RPH3AL: variants seen among roughly 807,000 people sequenced by gnomAD.
RPH3AL encodes the protein rab effector Noc2.
In RPH3AL, 38 loss-of-function variants were observed where a neutral mutation model predicts 43.1. The observed-to-expected ratio is 0.88, with a 90% CI of 0.68 to 1.15. The LOEUF is 1.15. Ranked by LOEUF, RPH3AL falls within the 50% of genes most tolerant of loss-of-function variation. The pLI is 0.00. For missense variants in RPH3AL, 462 were observed against 423.2 expected, an observed-to-expected ratio of 1.09 and a Z score of -0.81; for synonymous variants, 189 against 176.3, an observed-to-expected ratio of 1.07 and a Z score of -0.57.
intron 8 of RPH3AL, among the ~76,000 whole-genome samples, chr17:219,285 A>AC (rs2040891708): frequency 1.7e-5 from 2 of 120,886 alleles, no homozygotes; most frequent in African/African-American, 6.4e-5. Flanking sequence ...ATCAACCTCC[A>AC]CCCCCTGGAT....
chr17:331,501 G>C, intron 2 of RPH3AL: 1 of 1,177,428 alleles, frequency 8.5e-7, no homozygotes, highest in Non-Finnish European at 1.1e-6. Flanking sequence ...CCTGGCCGTG[G>C]CTGGCACCTC....
At chr17:227,702 C>G (rs997106925) in intron 7 of RPH3AL, among the ~76,000 whole-genome samples, 6 of 152,152 alleles carry the variant, frequency 3.9e-5, no homozygotes, top group Admixed American at 1.3e-4. Context: ...GCATTGCCGC[C>G]CGGCACAAGG....
intron 5 of RPH3AL, among the ~76,000 whole-genome samples, chr17:292,246 T>C (rs1305727703): frequency 6.6e-6 from 1 of 152,200 alleles, no homozygotes; most frequent in Non-Finnish European, 1.5e-5. Context: ...CCGCCAGGCT[T>C]GGAGAAGCAT....
rs537963730 is a variant in RPH3AL at position 264,698 on chromosome 17, G to A, written c.438+17070C>T. On this transcript the variant is annotated intron_variant, in intron 6 of 9. Transcript: ENST00000331302. The surrounding 1 kb of genome is among the most constrained non-coding windows in gnomAD (Gnocchi z 4.8). The stretch of plus-strand genomic sequence containing the variant: ...GAGGTCAGCATTTGCTCTTCTAAGC[G>A]TGGAGGATGACCCTTCCACCTGTGA... Among the ~76,000 whole-genome samples the A allele has an allele frequency of 2.6e-5, 4 of 152,188 alleles. No homozygotes were observed. The highest frequency in any genetic ancestry group is 3.8e-4 in the East Asian group (2 of 5,202).
intron 1 of RPH3AL, among the ~76,000 whole-genome samples, chr17:340,445 C>G (rs1255382481): frequency 0.079 from 1,794 of 22,776 alleles, 588 homozygotes; most frequent in Admixed American, 0.11. Flanking sequence ...CACTGCCCCC[C>G]ACCCAGGCCT....
At chr17:332,934 G>A in intron 2 of RPH3AL, 1 of 1,057,780 alleles carries the variant, frequency 9.5e-7, no homozygotes, top group Non-Finnish European at 1.3e-6. Flanking sequence ...GGACCCGAGG[G>A]GTACAGGGAA....
chr17:310,847 G>T (rs972031625), intron 5 of RPH3AL, among the ~76,000 whole-genome samples: 2 of 152,130 alleles, frequency 1.3e-5, no homozygotes, highest in Non-Finnish European at 2.9e-5. Flanking sequence ...CAAGGGCTTC[G>T]CAGGGGCTAT....
In RPH3AL at chr17:333,010, A is replaced by C. The variant is rs1386152267; in HGVS notation, c.-37+749T>G. On this transcript the variant is annotated intron_variant, in intron 2 of 9. Transcript: ENST00000331302. The surrounding 1 kb of genome is among the most constrained non-coding windows in gnomAD (Gnocchi z 4.5). Reference sequence around the variant, plus strand: ...TAGGGGACAGAGGCTCATCAGCCCCAGGCAACTTCCTGAGACAGATCGGTA... The same window carrying C: ...TAGGGGACAGAGGCTCATCAGCCCCCGGCAACTTCCTGAGACAGATCGGTA... 1.6e-6 allele frequency: 2 copies of C among 1,286,984 alleles called. No individual in the cohort carries two copies. Among genetic ancestry groups the C allele is most frequent in the South Asian group, 2.5e-5 (2 of 80,978 alleles). 79.7% of individuals were successfully genotyped at this position (1,286,984 alleles called of 1,614,324 possible).
At chr17:258,652 A>G (rs782089250) in intron 6 of RPH3AL, among the ~76,000 whole-genome samples, 1 of 151,752 alleles carries the variant, frequency 6.6e-6, no homozygotes, top group Non-Finnish European at 1.5e-5. Flanking sequence ...ACTCCACTCA[A>G]TTCCTGCTCA....
chr17:277,433 A>T (rs995662588), intron 6 of RPH3AL, among the ~76,000 whole-genome samples: 3 of 152,258 alleles, frequency 2.0e-5, no homozygotes, highest in African/African-American at 7.2e-5. Flanking sequence ...TAAAATGTAG[A>T]GAGTAGATGT....
At chr17:301,690 C>T (rs1190459513) in intron 5 of RPH3AL, among the ~76,000 whole-genome samples, 1 of 152,136 alleles carries the variant, frequency 6.6e-6, no homozygotes, top group African/African-American at 2.4e-5. Context: ...CCTCCTACCT[C>T]GGCCTCCCAA....
At chr17:350,151 A>G (rs1395934882) in intron 1 of RPH3AL, among the ~76,000 whole-genome samples, 3 of 152,218 alleles carry the variant, frequency 2.0e-5, no homozygotes, top group Admixed American at 6.5e-5. Context: ...TAAGTAATGC[A>G]TTCCTCAACA....
At chr17:334,863 C>T (rs1369672961) in intron 1 of RPH3AL, among the ~76,000 whole-genome samples, 1 of 123,620 alleles carries the variant, frequency 8.1e-6, no homozygotes. Flanking sequence ...AGGGCCAGCC[C>T]ATCCACTGCG....
At chr17:219,805 A>T in intron 7 of RPH3AL, 69 bp from the exon 8 acceptor site, 2 of 1,196,116 alleles carry the variant, frequency 1.7e-6, no homozygotes, top group Non-Finnish European at 2.5e-6. Flanking sequence ...GGACGGAGGG[A>T]CGAGGGCAGG....
intron 5 of RPH3AL, among the ~76,000 whole-genome samples, chr17:296,666 G>A (rs1449218199): frequency 6.6e-6 from 1 of 152,234 alleles, no homozygotes; most frequent in Admixed American, 6.5e-5. Context: ...AGGGGCTGTG[G>A]GGGCAGTCAG....
At chr17:285,083 C>A (rs1356383289) in intron 5 of RPH3AL, among the ~76,000 whole-genome samples, 1 of 152,182 alleles carries the variant, frequency 6.6e-6, no homozygotes, top group Non-Finnish European at 1.5e-5. Context: ...AACATTCAGT[C>A]CACAGCAGCG....
At chr17:243,282 A>AC (rs74216841) in intron 7 of RPH3AL, among the ~76,000 whole-genome samples, 1 of 138,380 alleles carries the variant, frequency 7.2e-6, no homozygotes, top group African/African-American at 2.8e-5. Flanking sequence ...TCTATTGATT[A>AC]CCTTCCTCTA....
At chr17:291,345 G>T (rs1305534637) in intron 5 of RPH3AL, among the ~76,000 whole-genome samples, 1 of 152,050 alleles carries the variant, frequency 6.6e-6, no homozygotes, top group Non-Finnish European at 1.5e-5. Flanking sequence ...TTCAAGACCA[G>T]CCTGGGCAAC....
chr17:236,314 G>C (rs2041393627), intron 7 of RPH3AL, among the ~76,000 whole-genome samples: 1 of 152,206 alleles, frequency 6.6e-6, no homozygotes, highest in African/African-American at 2.4e-5. Context: ...TATTGATCGA[G>C]GAAACCTAAA....
Sources: gnomAD v4.1 joint callset for allele counts (sites outside exome capture counted in the v4.1 genomes callset) on GRCh38, gnomAD v4.1.1 for gene constraint, Gnocchi (gnomAD v3.1) non-coding constraint, MANE v1.5 for transcripts, NCBI Gene and HGNC (gene_info 2026-07-23, HGNC 2026-07-21) for gene names.